STK17B: variants seen among roughly 807,000 people sequenced by gnomAD.
STK17B encodes the protein serine/threonine-protein kinase 17B.
In STK17B, 21 loss-of-function variants were observed where a neutral mutation model predicts 42.0. The observed-to-expected ratio is 0.50, with a 90% CI of 0.35 to 0.72. The LOEUF (loss-of-function observed/expected upper bound fraction) is 0.72, where lower values mean the gene tolerates loss of function less well. Among genes scored for constraint, STK17B ranks in the 30% least tolerant of loss-of-function variants. STK17B has a pLI of 0.00. For synonymous variants in STK17B, 143 were observed against 148.4 expected, an observed-to-expected ratio of 0.96 and a Z score of 0.26; for missense variants, 349 against 446.0, an observed-to-expected ratio of 0.78 and a Z score of 1.96.
At chr2:196,148,243 TG>T (rs1699611386) in intron 3 of STK17B, among the ~76,000 whole-genome samples, 1 of 152,230 alleles carries the variant, frequency 6.6e-6, no homozygotes, top group Non-Finnish European at 1.5e-5. Flanking sequence ...TTGGTCTGCA[TG>T]TCAGTATTCA....
intron 2 of STK17B, among the ~76,000 whole-genome samples, chr2:196,161,381 G>T (rs1359387280): frequency 6.6e-6 from 1 of 151,656 alleles, no homozygotes; most frequent in African/African-American, 2.4e-5. Context: ...ATTTTAAAAG[G>T]TTCTAAAAAC....
intron 1 of STK17B, chr2:196,165,576 T>C (rs1052670985): frequency 3.9e-5 from 6 of 152,192 alleles, no homozygotes; most frequent in African/African-American, 7.2e-5. Context: ...ACTTTGACAA[T>C]ACTTGCCCAA....
chr2:196,140,970 A>G (rs1169606849), intron 6 of STK17B, among the ~76,000 whole-genome samples: 2 of 152,184 alleles, frequency 1.3e-5, no homozygotes, highest in African/African-American at 4.8e-5. Context: ...TCATCATAAA[A>G]TATGTAGCAA....
chr2:196,149,500 T>C (rs1996619), intron 3 of STK17B, among the ~76,000 whole-genome samples: 97,581 of 152,054 alleles, frequency 0.64, 31,639 homozygotes, highest in East Asian at 0.91. Flanking sequence ...AAACATTAAT[T>C]GCAAATCTAG....
chr2:196,170,708 G>T (rs1489898534), intron 1 of STK17B: 1 of 152,256 alleles, frequency 6.6e-6, no homozygotes. Context: ...GGGTCACAAG[G>T]CATCAAAGCA....
At position 196,141,265 on chromosome 2, in the gene STK17B, T is replaced by G; in HGVS notation, c.640A>C (p.Thr214Pro). 1 of 1,607,508 alleles carries G rather than the reference T, an allele frequency of 6.2e-7. No homozygotes were observed. Among genetic ancestry groups the G allele is most frequent in the South Asian group, 1.1e-5 (1 of 90,200 alleles). The change falls in exon 6 of 8, where the codon ACA becomes CCA. Residue 214 changes from threonine (T) to proline (P), a missense_variant. This residue lies in a region of STK17B where 256 missense variants were observed against 347.7 expected (regional missense o/e 0.74). Transcript: ENST00000263955. The stretch of plus-strand genomic sequence containing the variant: ...ACATCTTACCACATATCTGTTGCTG[T>G]GGTAATGGGATCATAGTTCAGGATT... ...PEILNYDPIT[T>P]ATDMWNIGII... is the part of the protein sequence containing the mutation.
At chr2:196,157,389 C>T (rs1699754226) in intron 2 of STK17B, among the ~76,000 whole-genome samples, 1 of 152,082 alleles carries the variant, frequency 6.6e-6, no homozygotes, top group South Asian at 2.1e-4. Flanking sequence ...TGTTAACTCT[C>T]TAATTAGAAT....
intron 1 of STK17B, among the ~76,000 whole-genome samples, chr2:196,170,050 G>C (rs551698364): frequency 6.6e-6 from 1 of 152,238 alleles, no homozygotes; most frequent in Non-Finnish European, 1.5e-5. Flanking sequence ...CGCTTCTATG[G>C]ACCAGTTTTC....
rs909142638 is a variant in STK17B, at chr2:196,136,437, T to C, written c.*1010A>G. 2 of 152,640 alleles carry C rather than the reference T, an allele frequency of 1.3e-5. No individual in the cohort carries two copies. Among genetic ancestry groups the C allele is most frequent in the African/African-American group, 2.4e-5 (1 of 41,442 alleles). The allele number at this position is 152,640 out of a possible 1,614,324, so 9.5% of individuals were successfully genotyped here. A position where few individuals can be genotyped will look rare whatever the true frequency, so the allele number is the denominator to read the frequency against. On this transcript the variant is annotated 3_prime_UTR_variant, in exon 8 of 8. Coordinates refer to ENST00000263955, the MANE Select transcript of STK17B (RefSeq NM_004226.4). Reference sequence around the variant, plus strand: ...CCTGATGTCATGTTTTATGATCACATCAGTCTTGCTACCGCTGACTCGGGC... The same window carrying C: ...CCTGATGTCATGTTTTATGATCACACCAGTCTTGCTACCGCTGACTCGGGC...
At chr2:196,162,156 A>C (rs1313187110) in intron 2 of STK17B, among the ~76,000 whole-genome samples, 2 of 152,238 alleles carry the variant, frequency 1.3e-5, no homozygotes, top group Non-Finnish European at 2.9e-5. Context: ...AAGATGCTGA[A>C]TATATAACTT....
chr2:196,149,024 A>C (rs1207900398), intron 3 of STK17B, among the ~76,000 whole-genome samples: 1 of 152,220 alleles, frequency 6.6e-6, no homozygotes, highest in Non-Finnish European at 1.5e-5. Flanking sequence ...AATAGCTCCT[A>C]CTTCATGGTC....
At chr2:196,162,828 T>G (rs1381405120) in intron 2 of STK17B, among the ~76,000 whole-genome samples, 2 of 151,962 alleles carry the variant, frequency 1.3e-5, no homozygotes, top group Non-Finnish European at 1.5e-5. Flanking sequence ...GACAGGAGGT[T>G]GCAGTGAGCC....
At chr2:196,140,642 G>T (rs1699481070) in intron 6 of STK17B, among the ~76,000 whole-genome samples, 1 of 128,552 alleles carries the variant, frequency 7.8e-6, no homozygotes, top group African/African-American at 3.0e-5. Flanking sequence ...TTGGCTCACT[G>T]CAACCTCTGC....
chr2:196,153,726 TC>T (rs1304708778), intron 3 of STK17B: 1 of 151,858 alleles, frequency 6.6e-6, no homozygotes, highest in Non-Finnish European at 1.5e-5. Context: ...TGACATTATA[TC>T]AAAAGGACAT....
At chr2:196,160,365 A>T (rs961997738) in intron 2 of STK17B, among the ~76,000 whole-genome samples, 7 of 152,188 alleles carry the variant, frequency 4.6e-5, no homozygotes, top group African/African-American at 1.4e-4. Flanking sequence ...GGGTAGAAAA[A>T]ACTTACCCAA....
intron 3 of STK17B, among the ~76,000 whole-genome samples, chr2:196,151,736 AATG>A (rs146957383): frequency 9.7e-4 from 147 of 152,256 alleles, no homozygotes; most frequent in African/African-American, 3.2e-3. Flanking sequence ...GTGGTGATGG[AATG>A]ACTCAATTAT....
At chr2:196,142,833 C>CT (rs1699512053) in intron 5 of STK17B, among the ~76,000 whole-genome samples, 1 of 152,160 alleles carries the variant, frequency 6.6e-6, no homozygotes, top group Non-Finnish European at 1.5e-5. Context: ...TTAACTGTAT[C>CT]TTTTCAATGT....
At chr2:196,147,013 TC>T (rs1340750367) in intron 3 of STK17B, among the ~76,000 whole-genome samples, 1 of 152,146 alleles carries the variant, frequency 6.6e-6, no homozygotes, top group Non-Finnish European at 1.5e-5. Flanking sequence ...GAAACATAAA[TC>T]CTAACTCTTC....
rs771631226 is a variant in STK17B, at chr2:196,139,719, T to C, written c.737A>G (p.Asn246Ser). The C allele has an allele frequency of 2.7e-6, 4 of 1,465,682 alleles. No homozygotes were observed. Among genetic ancestry groups the C allele is most frequent in the Non-Finnish European group, 2.7e-6 (3 of 1,105,864 alleles). 90.8% of individuals were successfully genotyped at this position (1,465,682 alleles called of 1,614,324 possible). The change falls in exon 7 of 8, where the codon AAT becomes AGT. Residue 246 changes from asparagine to serine, a missense_variant. Asn to Ser is a conservative substitution (Grantham distance 46). Transcript: ENST00000263955. Reference protein sequence around the residue: ...VGEDNQETYLNISQVNVDYSE... With the variant: ...VGEDNQETYLSISQVNVDYSE... The stretch of plus-strand genomic sequence containing the variant: ...ATAATCTACATTAACTTGAGAAATA[T>C]TGAGGTATGTTTCTTGATTATCTTC...
Sources: gnomAD v4.1 joint callset for allele counts (sites outside exome capture counted in the v4.1 genomes callset) on GRCh38, gnomAD v4.1.1 for gene constraint, gnomAD v4.1.1 regional missense constraint, MANE v1.5 for transcripts, NCBI Gene and HGNC (gene_info 2026-07-23, HGNC 2026-07-21) for gene names.